Variants in MACROD2 observed in about 807,000 individuals in gnomAD.
MACROD2 encodes the protein ADP-ribose glycohydrolase MACROD2.
A neutral mutation model predicts 70.4 loss-of-function variants in MACROD2; 36 were observed. That is an observed-to-expected ratio of 0.51 (90% CI 0.39 to 0.68). The LOEUF (loss-of-function observed/expected upper bound fraction) is 0.68, where lower values mean the gene tolerates loss of function less well. MACROD2 is among the 30% of genes least tolerant of loss of function. The pLI, the probability that MACROD2 is intolerant of heterozygous loss-of-function variation, is 0.00. For missense variants in MACROD2, 496 were observed against 538.4 expected, an observed-to-expected ratio of 0.92 and a Z score of 0.78; for synonymous variants, 172 against 178.8, an observed-to-expected ratio of 0.96 and a Z score of 0.30.
chr20:15,463,688 G>T (rs1393384860), intron 7 of MACROD2, among the ~76,000 whole-genome samples: 1 of 152,170 alleles, frequency 6.6e-6, no homozygotes, highest in Non-Finnish European at 1.5e-5. Context: ...GGCAGAGGTT[G>T]CAGTGAGCCA....
In MACROD2 at chr20:14,966,437, A is replaced by C. The variant is rs1011329062; in HGVS notation, c.419-263503A>C. ...CGAAGAATAAAAAAGTCATTAAAGC[A>C]TGGTGGTGCATGCCTGTAGACCCAG... On this transcript the variant is annotated intron_variant, in intron 5 of 17. Coordinates refer to ENST00000684519, the MANE Select transcript of MACROD2 (RefSeq NM_001351661.2). Among the ~76,000 whole-genome samples the C allele has an allele frequency of 5.3e-5, 8 of 152,196 alleles. No individual in the cohort carries two copies. In the East Asian group the frequency reaches 1.6e-3, roughly 30 times the overall value.
intron 6 of MACROD2, among the ~76,000 whole-genome samples, chr20:15,366,279 G>A (rs1328171254): frequency 1.3e-5 from 2 of 151,978 alleles, no homozygotes; most frequent in South Asian, 2.1e-4. Context: ...CCCCCCACTA[G>A]TATCCTTCCA....
intron 3 of MACROD2, among the ~76,000 whole-genome samples, chr20:14,449,678 C>T (rs113165599): frequency 0.018 from 2,756 of 152,178 alleles, 88 homozygotes; most frequent in African/African-American, 0.062. Context: ...GGTACAGGTA[C>T]TCTATAAAGA....
In MACROD2 at chr20:15,500,366, T is replaced by C. The variant is rs568477233; in HGVS notation, c.645+519T>C. Among the ~76,000 whole-genome samples the C allele has an allele frequency of 2.6e-5, 4 of 152,320 alleles. No homozygotes were observed. In the South Asian group the frequency reaches 8.3e-4, roughly 32 times the overall value. On this transcript the variant is annotated intron_variant, in intron 8 of 17. Transcript: ENST00000684519. ...GGATTTCTTATGAAACTAAATACCTTCATCAGAGTATTCATCATCCTCCTA... is the reference window on the plus strand; with the variant it reads ...GGATTTCTTATGAAACTAAATACCTCCATCAGAGTATTCATCATCCTCCTA...
chr20:15,558,243 A>T (rs1341120937), intron 8 of MACROD2, among the ~76,000 whole-genome samples: 1 of 152,156 alleles, frequency 6.6e-6, no homozygotes, highest in African/African-American at 2.4e-5. Flanking sequence ...CTCAGTGGCC[A>T]TTCCATTCTG....
chr20:15,532,480 A>C (rs1171609111), intron 8 of MACROD2, among the ~76,000 whole-genome samples: 1 of 152,038 alleles, frequency 6.6e-6, no homozygotes. Flanking sequence ...TTGGAAGCAA[A>C]CCAATCAACA....
At position 15,096,387 on chromosome 20, in the gene MACROD2, T is replaced by A. The variant is rs537661127; in HGVS notation, c.419-133553T>A. On this transcript the variant is annotated intron_variant, in intron 5 of 17. Coordinates refer to ENST00000684519, the MANE Select transcript of MACROD2 (RefSeq NM_001351661.2). The stretch of plus-strand genomic sequence containing the variant: ...CTAGTAAGAATTTATTGTTCATGTA[T>A]GTTTTTTCTCTTGGGAGTCTGTAAT... 4.5e-4 allele frequency among the ~76,000 whole-genome samples: 68 copies of A among 151,630 alleles called. No individual in the cohort carries two copies. In the South Asian group the frequency reaches 0.014, roughly 32 times the overall value.
At chr20:14,410,383 C>G (rs1361957026) in intron 3 of MACROD2, among the ~76,000 whole-genome samples, 7 of 152,020 alleles carry the variant, frequency 4.6e-5, no homozygotes. Flanking sequence ...CACTCCACTT[C>G]CACCCTCCCA....
Position 14,489,446 on chromosome 20 carries a change from A to G in MACROD2, c.272-4033A>G, listed in dbSNP as rs144523438. 3.9e-3 allele frequency among the ~76,000 whole-genome samples: 598 copies of G among 152,354 alleles called. 1 individual carries two copies. Among genetic ancestry groups the G allele is most frequent in the African/African-American group, 0.013 (544 of 41,578 alleles). ...TCCTACTTAAAGAGCTTCAAACTCT[A>G]GGGAATATAATGTATGCCATTCTGA... On this transcript the variant is annotated intron_variant, in intron 3 of 17. Transcript: ENST00000684519.
At chr20:14,680,859 A>G (rs2070923700) in intron 4 of MACROD2, among the ~76,000 whole-genome samples, 1 of 152,190 alleles carries the variant, frequency 6.6e-6, no homozygotes, top group Admixed American at 6.5e-5. Context: ...CAGTAAGAAG[A>G]AGAACCAAAT....
At chr20:15,053,729 G>A (rs1165484389) in intron 5 of MACROD2, among the ~76,000 whole-genome samples, 5 of 152,156 alleles carry the variant, frequency 3.3e-5, no homozygotes, top group African/African-American at 9.7e-5. Flanking sequence ...TGACTTTCAA[G>A]TCTTATTATT....
intron 8 of MACROD2, among the ~76,000 whole-genome samples, chr20:15,531,000 CTTTT>C (rs10676355): frequency 1.5e-5 from 2 of 134,618 alleles, no homozygotes; most frequent in Admixed American, 7.4e-5. Context: ...AATAACTTCG[CTTTT>C]TTTTTTTTTT....
intron 7 of MACROD2, among the ~76,000 whole-genome samples, chr20:15,456,495 C>G (rs1429412008): frequency 6.6e-6 from 1 of 152,160 alleles, no homozygotes; most frequent in Non-Finnish European, 1.5e-5. Context: ...AACCGTGCAC[C>G]TGCACACAAG....
At chr20:15,188,972 A>G (rs951259942) in intron 5 of MACROD2, among the ~76,000 whole-genome samples, 2 of 152,188 alleles carry the variant, frequency 1.3e-5, no homozygotes, top group Non-Finnish European at 2.9e-5. Flanking sequence ...CTATTTATCA[A>G]ACATTTCTGG....
At position 15,263,374 on chromosome 20, in the gene MACROD2, G is replaced by T. The variant is rs531620627; in HGVS notation, c.540+33313G>T. On this transcript the variant is annotated intron_variant, in intron 6 of 17. Coordinates refer to ENST00000684519, the MANE Select transcript of MACROD2 (RefSeq NM_001351661.2). ...AGATTTGTTTTTGGTTCTCTATTTT[G>T]TTTTGTTGGTCTATGTGCCTGTTTT... is the stretch of plus-strand genomic sequence containing the variant. Among the ~76,000 whole-genome samples the T allele has an allele frequency of 2.4e-4, 36 of 151,818 alleles. No individual in the cohort carries two copies. The South Asian group carries it at 2.7e-3, about 11-fold the overall frequency.
At chr20:15,511,615 C>T (rs764424721) in intron 8 of MACROD2, among the ~76,000 whole-genome samples, 25 of 152,192 alleles carry the variant, frequency 1.6e-4, no homozygotes, top group Non-Finnish European at 3.1e-4. Context: ...GACCTTAGAG[C>T]TTGAACATTG....
chr20:15,144,634 A>G (rs1236910773), intron 5 of MACROD2, among the ~76,000 whole-genome samples: 1 of 152,172 alleles, frequency 6.6e-6, no homozygotes, highest in Non-Finnish European at 1.5e-5. Flanking sequence ...GCATAATTCA[A>G]CTTTGCACTC....
intron 6 of MACROD2, among the ~76,000 whole-genome samples, chr20:15,387,214 G>T (rs2045725558): frequency 1.3e-5 from 2 of 152,156 alleles, no homozygotes; most frequent in Non-Finnish European, 2.9e-5. Context: ...TGGCTGTGAG[G>T]TGAGAAGTTA....
chr20:14,296,725 T>C (rs909655332), intron 3 of MACROD2, among the ~76,000 whole-genome samples: 3 of 152,174 alleles, frequency 2.0e-5, no homozygotes, highest in South Asian at 2.1e-4. Flanking sequence ...CAGTGTGTGC[T>C]GCACTTCCGG....
Sources: gnomAD v4.1 joint callset for allele counts (sites outside exome capture counted in the v4.1 genomes callset) on GRCh38, gnomAD v4.1.1 for gene constraint, MANE v1.5 for transcripts, NCBI Gene and HGNC (gene_info 2026-07-23, HGNC 2026-07-21) for gene names.